Variants in RAPGEF1 observed in about 807,000 individuals in gnomAD.
RAPGEF1 encodes CRK SH3-binding GNRP.
RAPGEF1 carries 33 observed loss-of-function variants against 143.3 expected under a neutral mutation model. That is an observed-to-expected ratio of 0.23 (90% CI 0.17 to 0.31). The LOEUF is 0.31. Among genes scored for constraint, RAPGEF1 ranks in the 10% least tolerant of loss-of-function variants. The pLI is 1.00. For synonymous variants in RAPGEF1, 629 were observed against 676.5 expected (o/e 0.93, Z 1.09); for missense variants, 1,199 against 1,645.4 (o/e 0.73, Z 4.69).
intron 4 of RAPGEF1, among the ~76,000 whole-genome samples, chr9:131,640,172 G>A (rs145075258): frequency 2.2e-4 from 33 of 152,356 alleles, no homozygotes; most frequent in African/African-American, 6.3e-4. Context: ...TCCGGGGGTT[G>A]GACCAGAGCT....
chr9:131,608,116 G>A (rs1376925426), intron 12 of RAPGEF1, among the ~76,000 whole-genome samples: 13 of 152,200 alleles, frequency 8.5e-5, no homozygotes, highest in Non-Finnish European at 1.9e-4. Flanking sequence ...AGCTCAAGCT[G>A]TTCATCTTTA....
intron 1 of RAPGEF1, among the ~76,000 whole-genome samples, chr9:131,693,408 T>C (rs535269921): frequency 2.6e-5 from 4 of 152,244 alleles, no homozygotes; most frequent in Non-Finnish European, 4.4e-5. Context: ...TCCATACCAC[T>C]AAGCCAAAAT....
intron 6 of RAPGEF1, among the ~76,000 whole-genome samples, chr9:131,629,770 C>A (rs4740172): frequency 0.86 from 131,210 of 151,990 alleles, 56,817 homozygotes; most frequent in African/African-American, 0.92. Context: ...CAGCCTGAGC[C>A]ACAGAGACTC....
intron 1 of RAPGEF1, among the ~76,000 whole-genome samples, chr9:131,703,950 T>G (rs1488736018): frequency 1.3e-5 from 2 of 152,196 alleles, no homozygotes; most frequent in African/African-American, 4.8e-5. Context: ...ATGGATCTGG[T>G]AAATCCAGGG....
At chr9:131,712,871 G>A (rs901098156) in intron 1 of RAPGEF1, among the ~76,000 whole-genome samples, 2 of 152,042 alleles carry the variant, frequency 1.3e-5, no homozygotes, top group Non-Finnish European at 2.9e-5. Flanking sequence ...GTAGGGGGAG[G>A]GGGAGAGCAA....
chr9:131,577,002 G>GTT lies in RAPGEF1; in HGVS notation c.*2494_*2495insAA, dbSNP rs1475853159. On this transcript the variant is annotated 3_prime_UTR_variant, in exon 27 of 27. Coordinates refer to ENST00000683357, the MANE Select transcript of RAPGEF1 (RefSeq NM_001377935.1). ...CCCCCCCACACCCCGACACCTGCAG[G>GTT]TGAGGACTGACCTCTGCAAGGAACG... The GTT allele has an allele frequency of 6.6e-6, 1 of 151,648 alleles. No individual in the cohort carries two copies. The highest frequency in any genetic ancestry group is 2.4e-5 in the African/African-American group (1 of 41,222). The allele number at this position is 151,648 out of a possible 1,614,324, so 9.4% of individuals were successfully genotyped here.
chr9:131,732,801 A>G (rs1339011149), intron 1 of RAPGEF1, among the ~76,000 whole-genome samples: 1 of 152,250 alleles, frequency 6.6e-6, no homozygotes, highest in Middle Eastern at 3.2e-3. Context: ...TCTTTTAGTA[A>G]GTATTTACTG....
intron 1 of RAPGEF1, among the ~76,000 whole-genome samples, chr9:131,668,846 T>A (rs1830869295): frequency 6.6e-6 from 1 of 152,238 alleles, no homozygotes; most frequent in Non-Finnish European, 1.5e-5. Context: ...GTACATCTCA[T>A]CATCTGGAGG....
At chr9:131,605,225 A>AT in intron 12 of RAPGEF1, 37 bp from the exon 13 acceptor site, 1 of 1,252,584 alleles carries the variant, frequency 8.0e-7, no homozygotes, top group Non-Finnish European at 1.0e-6. Flanking sequence ...AAAAACGAGA[A>AT]TACAAGAAGA....
At chr9:131,651,083 G>T in intron 1 of RAPGEF1, 134 bp from the exon 2 acceptor site, 7 of 1,120,670 alleles carry the variant, frequency 6.2e-6, no homozygotes, top group Non-Finnish European at 8.6e-6. Flanking sequence ...GGGAAAGGAC[G>T]TATGGATCCA....
Position 131,619,125 on chromosome 9 carries a change from T to G in RAPGEF1, c.1987A>C (p.Ser663Arg). ...GACACACTGAGGCCCTGAGCGGCAC[T>G]GCCGTCCTCGGGGGTGAAGGCCACT... ...TKVAFTPEDGSAAQGLSVSVS... is the reference protein window; with the variant it reads ...TKVAFTPEDGRAAQGLSVSVS... Residue 663 changes from serine (S) to arginine (R), a missense_variant, in exon 12 of 27, where the codon AGT becomes CGT. By Grantham distance (110) the Ser-to-Arg change is moderately radical. This residue lies in a region of RAPGEF1 where 293 missense variants were observed against 356.2 expected (regional missense o/e 0.82). Transcript: ENST00000683357. 7.5e-7 allele frequency: 1 copy of G among 1,340,826 alleles called. No homozygotes were observed. The highest frequency in any genetic ancestry group is 9.9e-7 in the Non-Finnish European group (1 of 1,009,976). 83.1% of individuals were successfully genotyped at this position (1,340,826 alleles called of 1,614,324 possible). A position where few individuals can be genotyped will look rare whatever the true frequency, so the allele number is the denominator to read the frequency against.
intron 4 of RAPGEF1, among the ~76,000 whole-genome samples, chr9:131,642,779 GA>G (rs773614961): frequency 6.6e-6 from 1 of 152,230 alleles, no homozygotes; most frequent in Non-Finnish European, 1.5e-5. Context: ...CCCTGGCAGT[GA>G]AGTCTGTGAA....
At chr9:131,618,137 G>C (rs1409032181) in intron 12 of RAPGEF1, among the ~76,000 whole-genome samples, 1 of 152,206 alleles carries the variant, frequency 6.6e-6, no homozygotes, top group Non-Finnish European at 1.5e-5. Flanking sequence ...ATTTAACTGA[G>C]CAAATGCAAT....
At chr9:131,717,671 G>T (rs1165005687) in intron 1 of RAPGEF1, among the ~76,000 whole-genome samples, 1 of 151,486 alleles carries the variant, frequency 6.6e-6, no homozygotes, top group African/African-American at 2.4e-5. Flanking sequence ...TACCGGGGAG[G>T]CTGAGGCAGG....
chr9:131,614,999 A>G (rs1156807706), intron 12 of RAPGEF1, among the ~76,000 whole-genome samples: 1 of 152,258 alleles, frequency 6.6e-6, no homozygotes, highest in African/African-American at 2.4e-5. Flanking sequence ...TAGACCTCTT[A>G]GTGAGAGTAA....
intron 1 of RAPGEF1, among the ~76,000 whole-genome samples, chr9:131,684,580 A>G (rs1833177502): frequency 6.6e-6 from 1 of 152,246 alleles, no homozygotes; most frequent in African/African-American, 2.4e-5. Flanking sequence ...ATCTAGCATT[A>G]TTAACTTTAA....
chr9:131,687,339 C>T (rs546912981), intron 1 of RAPGEF1, among the ~76,000 whole-genome samples: 4 of 152,146 alleles, frequency 2.6e-5, no homozygotes, highest in African/African-American at 7.2e-5. Flanking sequence ...TACAAGCGTG[C>T]ACCACCACCC....
chr9:131,588,063 G>T (rs754102449), intron 20 of RAPGEF1, 37 bp from the exon 21 acceptor site: 2 of 1,558,620 alleles, frequency 1.3e-6, no homozygotes, highest in East Asian at 2.3e-5. Flanking sequence ...CGTCAGGGGT[G>T]GGGAGGCCGG....
Position 131,601,771 on chromosome 9 carries a change from G to T in RAPGEF1, c.2501+290C>A, listed in dbSNP as rs557898225. Among the ~76,000 whole-genome samples, 80 of 152,240 alleles carry T rather than the reference G, an allele frequency of 5.3e-4. 2 individuals carry two copies. Among genetic ancestry groups the T allele is most frequent in the Admixed American group, 5.1e-3 (78 of 15,282 alleles). On this transcript the variant is annotated intron_variant, in intron 15 of 26. Coordinates refer to ENST00000683357, the MANE Select transcript of RAPGEF1 (RefSeq NM_001377935.1). The stretch of plus-strand genomic sequence containing the variant: ...AAACTAAAACAATCAGCTGGGCGTG[G>T]TACTGCATGCCTGTAGTCCCAGCTA...
Sources: gnomAD v4.1 joint callset for allele counts (sites outside exome capture counted in the v4.1 genomes callset) on GRCh38, gnomAD v4.1.1 for gene constraint, gnomAD v4.1.1 regional missense constraint, MANE v1.5 for transcripts, NCBI Gene and HGNC (gene_info 2026-07-23, HGNC 2026-07-21) for gene names.